The following FHIT variants were observed in gnomAD, a reference collection of about 807,000 sequenced individuals.
FHIT encodes bis(5'-adenosyl)-triphosphatase.
A neutral mutation model predicts 17.9 loss-of-function variants in FHIT; 19 were observed. That is an observed-to-expected ratio of 1.06 (90% CI 0.74 to 1.56). The LOEUF is 1.56. FHIT is among the 40% of genes most tolerant of loss of function. FHIT has a pLI of 0.00. For missense variants in FHIT, 248 were observed against 189.2 expected, an observed-to-expected ratio of 1.31 and a Z score of -1.82; for synonymous variants, 81 against 69.7, an observed-to-expected ratio of 1.16 and a Z score of -0.81.
chr3:60,127,763 C>A (rs1705623989), intron 5 of FHIT, among the ~76,000 whole-genome samples: 1 of 151,940 alleles, frequency 6.6e-6, no homozygotes, highest in Admixed American at 6.6e-5. Flanking sequence ...TCCATGTCAG[C>A]TAATATATAT....
chr3:60,663,212 T>G (rs910715790), intron 4 of FHIT, among the ~76,000 whole-genome samples: 2 of 135,528 alleles, frequency 1.5e-5, no homozygotes, highest in Non-Finnish European at 3.1e-5. Context: ...TATGTCAACA[T>G]TGTTTTAGCT....
At chr3:60,294,172 T>G (rs900848029) in intron 5 of FHIT, among the ~76,000 whole-genome samples, 1 of 152,092 alleles carries the variant, frequency 6.6e-6, no homozygotes, top group Non-Finnish European at 1.5e-5. Flanking sequence ...CTTCTGTCAT[T>G]GTTGAAAAGA....
intron 3 of FHIT, among the ~76,000 whole-genome samples, chr3:60,859,945 G>C (rs1465770343): frequency 1.3e-5 from 2 of 150,272 alleles, no homozygotes; most frequent in Non-Finnish European, 3.0e-5. Context: ...TGGGGAGACT[G>C]AGGTAGGAGA....
chr3:60,782,375 T>G (rs1028871085), intron 4 of FHIT, among the ~76,000 whole-genome samples: 1 of 152,144 alleles, frequency 6.6e-6, no homozygotes, highest in Non-Finnish European at 1.5e-5. Flanking sequence ...GATGGGAATG[T>G]AAATTTGTAC....
chr3:60,472,618 C>G (rs1414945244), intron 5 of FHIT, among the ~76,000 whole-genome samples: 2 of 152,178 alleles, frequency 1.3e-5, no homozygotes, highest in Non-Finnish European at 2.9e-5. Context: ...ATCCGCCCGT[C>G]TCGGCCTCCC....
intron 8 of FHIT, among the ~76,000 whole-genome samples, chr3:59,837,326 G>A (rs1426317904): frequency 6.6e-6 from 1 of 152,076 alleles, no homozygotes; most frequent in Non-Finnish European, 1.5e-5. Context: ...TATAACCTAT[G>A]CACATCTTCA....
intron 3 of FHIT, among the ~76,000 whole-genome samples, chr3:61,036,867 C>A (rs897768779): frequency 4.0e-5 from 6 of 150,802 alleles, no homozygotes; most frequent in Non-Finnish European, 7.4e-5. Context: ...AAAAAATTAC[C>A]TTCGTGGTTT....
At chr3:60,436,573 TTTAC>T (rs1320320160) in intron 5 of FHIT, among the ~76,000 whole-genome samples, 104 of 43,284 alleles carry the variant, frequency 2.4e-3, no homozygotes, top group Non-Finnish European at 8.1e-4. Context: ...AAAGGAAATG[TTTAC>T]TTTGATATTT....
intron 2 of FHIT, among the ~76,000 whole-genome samples, chr3:61,198,512 C>A (rs1272176990): frequency 3.0e-5 from 4 of 133,388 alleles, no homozygotes; most frequent in Non-Finnish European, 4.8e-5. Flanking sequence ...GAAAAACATA[C>A]ACGACAGAAA....
chr3:60,693,452 T>G (rs1212283339), intron 4 of FHIT, among the ~76,000 whole-genome samples: 1 of 152,224 alleles, frequency 6.6e-6, no homozygotes, highest in African/African-American at 2.4e-5. Context: ...TTTCTATATG[T>G]TCTGATGTGA....
At chr3:60,524,422 A>G (rs915591204) in intron 5 of FHIT, among the ~76,000 whole-genome samples, 1 of 152,156 alleles carries the variant, frequency 6.6e-6, no homozygotes, top group African/African-American at 2.4e-5. Flanking sequence ...TTGGCATTCC[A>G]CGAAGAATAA....
chr3:61,166,077 G>A (rs897008559), intron 2 of FHIT, among the ~76,000 whole-genome samples: 1 of 152,118 alleles, frequency 6.6e-6, no homozygotes, highest in African/African-American at 2.4e-5. Flanking sequence ...TTGGGCAGGA[G>A]GAATCCAAAT....
At position 59,752,886 on chromosome 3, in the gene FHIT, C is replaced by T. The variant is rs1403887811; in HGVS notation, c.349-565G>A. On this transcript the variant is annotated intron_variant, in intron 8 of 9. Coordinates refer to ENST00000492590, the MANE Select transcript of FHIT (RefSeq NM_002012.4). ...AAACTGCTGTTCCTTATAAATTACC[C>T]AGCCCCGGGTAGTTCCTTATAGCAC... 6.6e-5 allele frequency among the ~76,000 whole-genome samples: 10 copies of T among 152,104 alleles called. No homozygotes were observed. The East Asian group carries it at 1.5e-3, about 23-fold the overall frequency.
chr3:60,432,377 T>C (rs901299442), intron 5 of FHIT, among the ~76,000 whole-genome samples: 3 of 152,084 alleles, frequency 2.0e-5, no homozygotes, highest in African/African-American at 4.8e-5. Context: ...CTAATCTAGA[T>C]AGCTACTACA....
intron 5 of FHIT, among the ~76,000 whole-genome samples, chr3:60,308,561 C>T (rs977011607): frequency 4.0e-5 from 6 of 148,316 alleles, no homozygotes; most frequent in Non-Finnish European, 7.4e-5. Flanking sequence ...CTGACTTTAA[C>T]GTTACATTGG....
intron 4 of FHIT, among the ~76,000 whole-genome samples, chr3:60,748,540 G>A (rs967048835): frequency 2.1e-4 from 32 of 152,162 alleles, no homozygotes; most frequent in Non-Finnish European, 2.8e-4. Flanking sequence ...GGCCAAGTGC[G>A]GTGGCTCACA....
At chr3:59,942,915 C>G (rs1706600677) in intron 7 of FHIT, among the ~76,000 whole-genome samples, 1 of 152,074 alleles carries the variant, frequency 6.6e-6, no homozygotes, top group Non-Finnish European at 1.5e-5. Flanking sequence ...TCCCAAAGTG[C>G]TGGGATTACA....
At chr3:61,207,807 T>G (rs1471664319) in intron 1 of FHIT, among the ~76,000 whole-genome samples, 1 of 152,212 alleles carries the variant, frequency 6.6e-6, no homozygotes, top group Non-Finnish European at 1.5e-5. Flanking sequence ...GTTTTTTGTG[T>G]CTCTATTTCC....
chr3:60,652,727 C>CAAAAAAAAA (rs782637479), intron 4 of FHIT, among the ~76,000 whole-genome samples: 2 of 58,998 alleles, frequency 3.4e-5, no homozygotes, highest in African/African-American at 1.2e-4. Flanking sequence ...GACTCCATCT[C>CAAAAAAAAA]AAAAAAAAAA....
Sources: gnomAD v4.1 joint callset for allele counts (sites outside exome capture counted in the v4.1 genomes callset) on GRCh38, gnomAD v4.1.1 for gene constraint, MANE v1.5 for transcripts, NCBI Gene and HGNC (gene_info 2026-07-23, HGNC 2026-07-21) for gene names.